Variants in PINX1 observed in about 807,000 individuals in gnomAD.
The protein encoded by PINX1 is PIN2 (TERF1) interacting telomerase inhibitor 1.
PINX1 carries 34 observed loss-of-function variants against 25.4 expected under a neutral mutation model. The observed-to-expected ratio is 1.34, with a 90% CI of 1.02 to 1.78. The LOEUF (loss-of-function observed/expected upper bound fraction) is 1.78, where lower values mean the gene tolerates loss of function less well. PINX1 is among the 40% of genes most tolerant of loss of function. The pLI, the probability that PINX1 is intolerant of heterozygous loss-of-function variation, is 0.00. For missense variants in PINX1, 592 were observed against 404.9 expected, an observed-to-expected ratio of 1.46 and a Z score of -3.97; for synonymous variants, 197 against 147.7, an observed-to-expected ratio of 1.33 and a Z score of -2.42.
intron 6 of PINX1, among the ~76,000 whole-genome samples, chr8:10,767,581 G>C (rs1352762861): frequency 1.3e-5 from 2 of 152,232 alleles, no homozygotes; most frequent in Non-Finnish European, 2.9e-5. Flanking sequence ...CAGGAGATTT[G>C]TCTTTTTGTT....
chr8:10,820,150 A>T (rs1272104679), intron 6 of PINX1, 43 bp downstream of exon 6: 1 of 1,215,846 alleles, frequency 8.2e-7, no homozygotes, highest in Admixed American at 1.7e-5. Flanking sequence ...TGAAAATCAG[A>T]CAGTATTAAA....
chr8:10,822,397 G>A lies in PINX1; in HGVS notation c.395-2128C>T, dbSNP rs531195048. ...TAAACTTAGAGAAAACGACAATGAA[G>A]AAAACTGAATAGGAAACATCTATCT... On this transcript the variant is annotated intron_variant, in intron 5 of 6. Transcript: ENST00000314787. 2.2e-4 allele frequency among the ~76,000 whole-genome samples: 34 copies of A among 152,268 alleles called. 1 individual carries two copies. Among genetic ancestry groups the A allele is most frequent in the Middle Eastern group, 3.4e-3 (1 of 294 alleles).
At chr8:10,833,018 C>T (rs1454755781) in intron 2 of PINX1, 34 bp from the exon 3 acceptor site, 4 of 1,339,606 alleles carry the variant, frequency 3.0e-6, no homozygotes, top group African/African-American at 3.5e-5. Flanking sequence ...TTAGAACATT[C>T]CTCTCACTGA....
chr8:10,827,248 A>T (rs1798080878), intron 4 of PINX1, among the ~76,000 whole-genome samples: 1 of 152,218 alleles, frequency 6.6e-6, no homozygotes, highest in Non-Finnish European at 1.5e-5. Context: ...TACAGATCAG[A>T]GATGACGATT....
chr8:10,765,628 T>C lies in PINX1; in HGVS notation c.760A>G (p.Ser254Gly). The change falls in exon 7 of 7, where the codon AGC becomes GGC. Residue 254 changes from serine to glycine, a missense_variant. By Grantham distance (56) the Ser-to-Gly change is moderately conservative (BLOSUM62 0). Transcript: ENST00000314787. The stretch of plus-strand genomic sequence containing the variant: ...CTGAGCTGCTCTTCTGCTGGCGCGC[T>C]CTTCTTCTTGGCCACTCGCTCCTGG... Reference protein sequence around the residue: ...EAQERVAKKKSAPAEEQLRGP... With the variant: ...EAQERVAKKKGAPAEEQLRGP... 6.2e-7 allele frequency: 1 copy of C among 1,613,074 alleles called. No individual in the cohort carries two copies. Among genetic ancestry groups the C allele is most frequent in the Non-Finnish European group, 8.5e-7 (1 of 1,179,246 alleles).
At chr8:10,829,296 A>AT (rs1373773719) in intron 4 of PINX1, among the ~76,000 whole-genome samples, 2 of 151,806 alleles carry the variant, frequency 1.3e-5, no homozygotes, top group Non-Finnish European at 2.9e-5. Context: ...AAAAAAAAAA[A>AT]AAAAAAAAAG....
intron 6 of PINX1, among the ~76,000 whole-genome samples, chr8:10,773,564 G>C (rs960272086): frequency 2.6e-5 from 4 of 152,332 alleles, no homozygotes; most frequent in East Asian, 3.9e-4. Context: ...GGACAGAATA[G>C]CTTGGCTGGA....
intron 6 of PINX1, among the ~76,000 whole-genome samples, chr8:10,782,279 G>C (rs1439498837): frequency 4.6e-5 from 7 of 152,104 alleles, no homozygotes; most frequent in African/African-American, 1.7e-4. Flanking sequence ...GTATGGTGTG[G>C]GGACTGTGGC....
chr8:10,776,094 C>T (rs1801384630), intron 6 of PINX1, among the ~76,000 whole-genome samples: 1 of 152,128 alleles, frequency 6.6e-6, no homozygotes. Context: ...AAGTCCATAG[C>T]ACTCAGTAAA....
intron 6 of PINX1, among the ~76,000 whole-genome samples, chr8:10,782,555 C>G (rs1821002): frequency 0.62 from 94,070 of 151,684 alleles, 30,257 homozygotes; most frequent in African/African-American, 0.78. Flanking sequence ...GGCCAATATG[C>G]TGAAACCCCG....
intron 6 of PINX1, among the ~76,000 whole-genome samples, chr8:10,807,983 A>G (rs1338845194): frequency 6.6e-6 from 1 of 152,208 alleles, no homozygotes; most frequent in Non-Finnish European, 1.5e-5. Context: ...GTTTTATATT[A>G]AGAGGCTACC....
At chr8:10,779,968 C>A (rs886613892) in intron 6 of PINX1, among the ~76,000 whole-genome samples, 1 of 152,100 alleles carries the variant, frequency 6.6e-6, no homozygotes, top group South Asian at 2.1e-4. Flanking sequence ...AACTCTTACA[C>A]TAGATTGGAA....
chr8:10,832,311 G>A (rs1316805220), intron 3 of PINX1, among the ~76,000 whole-genome samples: 4 of 152,170 alleles, frequency 2.6e-5, no homozygotes, highest in Non-Finnish European at 5.9e-5. Flanking sequence ...GCTTTTATAA[G>A]AGAATGAAGA....
intron 6 of PINX1, chr8:10,771,069 T>C (rs1019893920): frequency 2.0e-5 from 3 of 152,198 alleles, no homozygotes; most frequent in Non-Finnish European, 2.9e-5. Flanking sequence ...CTGTGCTGGG[T>C]TAGTCTGTGA....
intron 6 of PINX1, among the ~76,000 whole-genome samples, chr8:10,812,713 G>C (rs1797566841): frequency 6.6e-6 from 1 of 152,152 alleles, no homozygotes; most frequent in South Asian, 2.1e-4. Context: ...TGACACCCAT[G>C]ACACCCAGGC....
At chr8:10,767,714 C>T (rs989741040) in intron 6 of PINX1, among the ~76,000 whole-genome samples, 1 of 151,958 alleles carries the variant, frequency 6.6e-6, no homozygotes, top group Admixed American at 6.5e-5. Flanking sequence ...CAAAGACGGG[C>T]ACCCTCACAG....
intron 6 of PINX1, among the ~76,000 whole-genome samples, chr8:10,779,320 A>T (rs1801509735): frequency 6.6e-6 from 1 of 152,238 alleles, no homozygotes; most frequent in Non-Finnish European, 1.5e-5. Flanking sequence ...AGTGAATAAA[A>T]TATGGAACAC....
intron 6 of PINX1, among the ~76,000 whole-genome samples, chr8:10,818,821 C>G (rs1797778929): frequency 6.6e-6 from 1 of 152,060 alleles, no homozygotes; most frequent in Admixed American, 6.5e-5. Context: ...TCTAGTTCTT[C>G]CTGAGGACAC....
intron 6 of PINX1, among the ~76,000 whole-genome samples, chr8:10,794,590 C>T (rs1408991225): frequency 6.6e-6 from 1 of 152,052 alleles, no homozygotes; most frequent in Non-Finnish European, 1.5e-5. Context: ...CCACGTCTGG[C>T]TAATTTTTGT....
Sources: gnomAD v4.1 joint callset for allele counts (sites outside exome capture counted in the v4.1 genomes callset) on GRCh38, gnomAD v4.1.1 for gene constraint, MANE v1.5 for transcripts, NCBI Gene and HGNC (gene_info 2026-07-23, HGNC 2026-07-21) for gene names.